DMD: variants seen among roughly 807,000 people sequenced by gnomAD.
The protein encoded by DMD is mutant dystrophin.
Under a neutral mutation model 330.1 loss-of-function variants are expected in DMD, and 63 were observed. The ratio of observed to expected loss-of-function variants is 0.19; its 90% CI spans 0.16 to 0.24. The LOEUF is 0.24. Among genes scored for constraint, DMD ranks in the 10% least tolerant of loss-of-function variants. The probability of loss-of-function intolerance (pLI) is 1.00; values close to 1 mark genes in which losing one functional copy is unlikely to be tolerated. For missense variants in DMD, 3,344 were observed against 2,684.1 expected (o/e 1.25, Z -5.43); for synonymous variants, 1,223 against 959.8 (o/e 1.27, Z -5.07).
At chrX:32,121,778 C>A in intron 44 of DMD, among the ~76,000 whole-genome samples, 1 of 102,564 alleles carries the variant, frequency 9.8e-6, no homozygotes, top group African/African-American at 3.5e-5. Context: ...CACTATATGC[C>A]AAAAGGAAAA....
At chrX:32,349,498 G>A (rs185561493) in intron 37 of DMD, among the ~76,000 whole-genome samples, 5 of 110,961 alleles carry the variant, frequency 4.5e-5, no homozygotes, top group Admixed American at 2.9e-4. Context: ...AATGACCCCC[G>A]TGTCTTTTGC....
intron 60 of DMD, among the ~76,000 whole-genome samples, chrX:31,434,182 C>T (rs933540658): frequency 4.5e-5 from 5 of 111,465 alleles, no homozygotes; most frequent in Non-Finnish European, 9.4e-5. Flanking sequence ...CTTAATTATA[C>T]ATTAACTCTG....
intron 60 of DMD, among the ~76,000 whole-genome samples, chrX:31,366,160 G>C (rs987640446): frequency 9.0e-6 from 1 of 111,216 alleles, no homozygotes; most frequent in Non-Finnish European, 1.9e-5. Context: ...TGACCAAAAG[G>C]CATTTTAAAT....
rs1476946962 is a variant in DMD at position 32,536,755 on chromosome X, A to AT, written c.2168+8403dup. On this transcript the variant is annotated intron_variant, in intron 17 of 78. Coordinates refer to ENST00000357033, the MANE Select transcript of DMD (RefSeq NM_004006.3). ...GCAGATTATTTGGAGTAGCACTGGT[A>AT]TTTTTTTTAAAAAAGGAGCAGAGGA... Among the ~76,000 whole-genome samples the AT allele has an allele frequency of 1.2e-4, 13 of 111,689 alleles. No homozygotes were observed. In the East Asian group the frequency reaches 1.7e-3, roughly 14 times the overall value.
intron 18 of DMD, among the ~76,000 whole-genome samples, chrX:32,513,662 T>A (rs776299695): frequency 9.0e-6 from 1 of 111,450 alleles, no homozygotes; most frequent in Non-Finnish European, 1.9e-5. Context: ...ATAATGAGAT[T>A]TAAGATATCA....
chrX:31,756,467 C>T (rs1340371028), intron 51 of DMD, among the ~76,000 whole-genome samples: 1 of 64,230 alleles, frequency 1.6e-5, no homozygotes, highest in Non-Finnish European at 3.2e-5. Context: ...TATGTGTACA[C>T]ACACACACAC....
intron 1 of DMD, among the ~76,000 whole-genome samples, chrX:33,324,312 G>A (rs763446684): frequency 1.8e-5 from 2 of 110,800 alleles, no homozygotes; most frequent in Non-Finnish European, 3.8e-5. Flanking sequence ...AGACCACTAG[G>A]AGAATGATTT....
At chrX:31,908,922 C>T (rs1381618520) in intron 47 of DMD, among the ~76,000 whole-genome samples, 6 of 111,602 alleles carry the variant, frequency 5.4e-5, no homozygotes, top group Middle Eastern at 9.2e-3. Flanking sequence ...AATTAAGAAG[C>T]ACGTATAAAA....
intron 2 of DMD, among the ~76,000 whole-genome samples, chrX:32,922,766 T>TG (rs2088566373): frequency 8.9e-6 from 1 of 111,875 alleles, no homozygotes; most frequent in Non-Finnish European, 1.9e-5. Flanking sequence ...ACCCCTGCTT[T>TG]GGGGACCCCT....
At chrX:31,207,711 G>A (rs2044232996) in intron 65 of DMD, among the ~76,000 whole-genome samples, 1 of 111,852 alleles carries the variant, frequency 8.9e-6, no homozygotes, top group Non-Finnish European at 1.9e-5. Context: ...AGATACTGGG[G>A]TCTTGAGGGT....
At chrX:32,957,636 G>C (rs886237627) in intron 2 of DMD, among the ~76,000 whole-genome samples, 3 of 111,400 alleles carry the variant, frequency 2.7e-5, no homozygotes, top group Non-Finnish European at 5.7e-5. Context: ...CTGGAACTCT[G>C]ACAGATATTG....
intron 1 of DMD, among the ~76,000 whole-genome samples, chrX:33,315,899 C>T (rs1246087855): frequency 9.1e-6 from 1 of 109,429 alleles, no homozygotes; most frequent in East Asian, 2.9e-4. Flanking sequence ...GACCAGAGGA[C>T]TAGTTTTTTT....
chrX:32,170,408 G>T (rs1366911932), intron 44 of DMD, among the ~76,000 whole-genome samples: 1 of 109,277 alleles, frequency 9.2e-6, no homozygotes, highest in Non-Finnish European at 1.9e-5. Context: ...GGAGGCAGAG[G>T]TTGAAGTGAG....
intron 44 of DMD, among the ~76,000 whole-genome samples, chrX:32,011,063 G>A (rs2095704492): frequency 1.8e-5 from 2 of 112,276 alleles, no homozygotes; most frequent in Non-Finnish European, 3.8e-5. Context: ...GTTAGTGGGG[G>A]AATCCGTTAC....
In DMD at chrX:32,353,760, G is replaced by C. The variant is rs12688779; in HGVS notation, c.5326-5232C>G. 3.1e-3 allele frequency among the ~76,000 whole-genome samples: 343 copies of C among 111,005 alleles called. 11 individuals are homozygous for C. In the East Asian group the frequency reaches 0.082, roughly 27 times the overall value. On this transcript the variant is annotated intron_variant, in intron 37 of 78. Transcript: ENST00000357033. ...CATACAAAATACATATAAATTAGAA[G>C]ACAGGGAAGTATAATAAATGGATAA...
At chrX:31,932,248 T>C in intron 45 of DMD, 21 bp from the exon 46 acceptor site, 6 of 1,150,638 alleles carry the variant, frequency 5.2e-6, no homozygotes, top group Non-Finnish European at 7.1e-6. Flanking sequence ...AAGAATAAAA[T>C]TGTTATTTTT....
At chrX:32,682,609 A>T (rs955106045) in intron 9 of DMD, among the ~76,000 whole-genome samples, 1 of 112,130 alleles carries the variant, frequency 8.9e-6, no homozygotes, top group Non-Finnish European at 1.9e-5. Context: ...ATCAAAAAAA[A>T]CAAATTTTGA....
intron 74 of DMD, among the ~76,000 whole-genome samples, chrX:31,162,038 CCTCT>C (rs2038875771): frequency 9.0e-6 from 1 of 111,052 alleles, no homozygotes; most frequent in African/African-American, 3.3e-5. Flanking sequence ...CTCTCTACTC[CCTCT>C]GATAGAATAA....
At chrX:31,614,007 A>G (rs767419936) in intron 55 of DMD, among the ~76,000 whole-genome samples, 6 of 112,372 alleles carry the variant, frequency 5.3e-5, no homozygotes, top group Non-Finnish European at 7.5e-5. Context: ...AAATAAGAAC[A>G]CTTGTTTTCC....
Sources: gnomAD v4.1 joint callset for allele counts (sites outside exome capture counted in the v4.1 genomes callset) on GRCh38, gnomAD v4.1.1 for gene constraint, MANE v1.5 for transcripts, NCBI Gene and HGNC (gene_info 2026-07-23, HGNC 2026-07-21) for gene names.